IQGAP2: variants seen among roughly 807,000 people sequenced by gnomAD.
The protein encoded by IQGAP2 is IQ motif containing GTPase activating protein 2.
In IQGAP2, 173 loss-of-function variants were observed where a neutral mutation model predicts 201.3. The ratio of observed to expected loss-of-function variants is 0.86; its 90% CI spans 0.76 to 0.98. IQGAP2 has a LOEUF of 0.98. Ranked by LOEUF, IQGAP2 falls within the 50% of genes least tolerant of loss-of-function variation. The probability of loss-of-function intolerance (pLI) is 0.00; values close to 1 mark genes in which losing one functional copy is unlikely to be tolerated. For missense variants in IQGAP2, 1,687 were observed against 1,864.8 expected (o/e 0.90, Z 1.76); for synonymous variants, 675 against 673.9 (o/e 1.00, Z -0.03).
At chr5:76,707,128 ATTC>A (rs748708501) in intron 35 of IQGAP2, 69 bp from the exon 36 acceptor site, 2 of 787,650 alleles carry the variant, frequency 2.5e-6, no homozygotes, top group Non-Finnish European at 4.4e-6. Flanking sequence ...TTGTCAACAA[ATTC>A]TTCTAATATG....
chr5:76,426,034 G>A (rs1037906611), intron 1 of IQGAP2, among the ~76,000 whole-genome samples: 2 of 152,170 alleles, frequency 1.3e-5, no homozygotes, highest in Admixed American at 6.5e-5. Context: ...AACGGGATTA[G>A]AATGTGTTTG....
chr5:76,495,401 G>C (rs1003920827), intron 2 of IQGAP2, among the ~76,000 whole-genome samples: 4 of 152,190 alleles, frequency 2.6e-5, no homozygotes, highest in Admixed American at 2.0e-4. Context: ...TGGTTAGAGG[G>C]ACAGAATTGC....
Position 76,611,022 on chromosome 5 carries a change from G to A in IQGAP2, c.1360G>A (p.Val454Ile), listed in dbSNP as rs1391452714. 6.2e-7 allele frequency: 1 copy of A among 1,606,472 alleles called. No homozygotes were observed. The highest frequency in any genetic ancestry group is 1.1e-5 in the South Asian group (1 of 89,410). Residue 454 changes from valine to isoleucine, a missense_variant and splice_region_variant, in exon 13 of 36, where the codon GTT (valine) becomes ATT (isoleucine). Transcript: ENST00000274364. Reference protein sequence around the residue: ...NAQIQEENDRVVAVGYINEAI... With the variant: ...NAQIQEENDRIVAVGYINEAI... ...AAAACTACTTCTTCATTTTCTAGGAGTTGTAGCTGTAGGGTACATCAATGA... is the reference window on the plus strand; with the variant it reads ...AAAACTACTTCTTCATTTTCTAGGAATTGTAGCTGTAGGGTACATCAATGA...
At chr5:76,560,318 CTTT>C (rs34182814) in intron 2 of IQGAP2, among the ~76,000 whole-genome samples, 3,129 of 133,276 alleles carry the variant, frequency 0.023, 110 homozygotes, top group African/African-American at 0.08. Flanking sequence ...ATGCCTGGCT[CTTT>C]TTTTTTTTTT....
intron 17 of IQGAP2, among the ~76,000 whole-genome samples, 181 bp downstream of exon 17, chr5:76,641,284 G>C (rs1751561713): frequency 6.6e-6 from 1 of 152,190 alleles, no homozygotes; most frequent in Non-Finnish European, 1.5e-5. Context: ...TTTTGATGAT[G>C]AATGACTTAA....
intron 28 of IQGAP2, chr5:76,677,618 G>C (rs1257308639): frequency 3.6e-6 from 1 of 274,674 alleles, no homozygotes; most frequent in Non-Finnish European, 6.8e-6. Flanking sequence ...GTGTACTTTT[G>C]GCATAATCCA....
chr5:76,423,298 A>G (rs1053077406), intron 1 of IQGAP2, among the ~76,000 whole-genome samples: 3 of 152,126 alleles, frequency 2.0e-5, no homozygotes, highest in Non-Finnish European at 2.9e-5. Context: ...GGTACCTGCT[A>G]TTAAAATGGT....
intron 16 of IQGAP2, among the ~76,000 whole-genome samples, chr5:76,639,750 C>T (rs1751419803): frequency 6.6e-6 from 1 of 152,050 alleles, no homozygotes; most frequent in Non-Finnish European, 1.5e-5. Context: ...CTGAGTCTGA[C>T]CAATGCTACC....
intron 2 of IQGAP2, among the ~76,000 whole-genome samples, chr5:76,556,403 G>A (rs1743948252): frequency 6.6e-6 from 1 of 152,160 alleles, no homozygotes; most frequent in Admixed American, 6.5e-5. Context: ...GCATTCACCT[G>A]TGCAAGCTCC....
chr5:76,438,041 T>G (rs1752816539), intron 1 of IQGAP2, among the ~76,000 whole-genome samples: 2 of 141,018 alleles, frequency 1.4e-5, no homozygotes, highest in African/African-American at 5.8e-5. Flanking sequence ...GTTTGTTTTT[T>G]TTTTTGTTTT....
At chr5:76,413,549 G>T (rs867179343) in intron 1 of IQGAP2, among the ~76,000 whole-genome samples, 1 of 152,172 alleles carries the variant, frequency 6.6e-6, no homozygotes, top group African/African-American at 2.4e-5. Context: ...TTTGGGTGGG[G>T]ACCAAATTAA....
chr5:76,433,731 C>T (rs12520401), intron 1 of IQGAP2, among the ~76,000 whole-genome samples: 1 of 152,134 alleles, frequency 6.6e-6, no homozygotes, highest in Admixed American at 6.5e-5. Context: ...TCCCATTTTA[C>T]AAATGTCAGG....
At chr5:76,633,376 T>A (rs184244529) in intron 15 of IQGAP2, among the ~76,000 whole-genome samples, 44 of 152,294 alleles carry the variant, frequency 2.9e-4, no homozygotes, top group Middle Eastern at 6.8e-3. Context: ...TTTAAAACTC[T>A]TTCAACAATT....
At chr5:76,614,899 C>T (rs1223504162) in intron 13 of IQGAP2, among the ~76,000 whole-genome samples, 1 of 152,170 alleles carries the variant, frequency 6.6e-6, no homozygotes, top group Admixed American at 6.5e-5. Context: ...GTGCCAAAGG[C>T]TACAGCCATT....
At chr5:76,535,223 A>G (rs1759547449) in intron 2 of IQGAP2, among the ~76,000 whole-genome samples, 1 of 152,220 alleles carries the variant, frequency 6.6e-6, no homozygotes, top group African/African-American at 2.4e-5. Flanking sequence ...GTGTAAAGAT[A>G]GATTGACAGT....
At chr5:76,537,868 A>G (rs1262218559) in intron 2 of IQGAP2, among the ~76,000 whole-genome samples, 1 of 152,190 alleles carries the variant, frequency 6.6e-6, no homozygotes, top group East Asian at 1.9e-4. Flanking sequence ...CCCTCGGGGC[A>G]GCACCCAGAT....
chr5:76,436,832 G>T (rs557443218), intron 1 of IQGAP2, among the ~76,000 whole-genome samples: 4 of 150,770 alleles, frequency 2.7e-5, no homozygotes, highest in Non-Finnish European at 5.9e-5. Flanking sequence ...CTGGCCAATC[G>T]TATGGTTTTG....
At position 76,652,748 on chromosome 5, in the gene IQGAP2, A is replaced by G. The variant is rs1339669820; in HGVS notation, c.2095-2A>G. The G allele has an allele frequency of 6.2e-6, 10 of 1,603,266 alleles. No homozygotes were observed. In the East Asian group the frequency reaches 1.8e-4, roughly 29 times the overall value. On this transcript the variant is annotated splice_acceptor_variant, in intron 17 of 35. Transcript: ENST00000274364. LOFTEE classifies it high-confidence loss of function. ...AATTCTATAACCCACTCTTTTCCTT[A>G]GGCTTTTTGGAAAGGATATAAACAA...
At chr5:76,478,679 A>G (rs1333196408) in intron 2 of IQGAP2, among the ~76,000 whole-genome samples, 2 of 152,210 alleles carry the variant, frequency 1.3e-5, no homozygotes, top group Non-Finnish European at 2.9e-5. Flanking sequence ...AGTACTGAGT[A>G]TAGTCACATG....
Sources: allele counts gnomAD v4.1 joint callset (sites outside exome capture counted in the v4.1 genomes callset), GRCh38; gene constraint gnomAD v4.1.1; transcripts MANE v1.5; gene names NCBI Gene and HGNC (gene_info 2026-07-23, HGNC 2026-07-21).